The following CHID1 variants were observed in gnomAD, a reference collection of about 807,000 sequenced individuals.
The protein encoded by CHID1 is chitinase domain containing 1, also known as chitinase domain-containing protein 1.
Under a neutral mutation model 55.4 loss-of-function variants are expected in CHID1, and 44 were observed. The ratio of observed to expected loss-of-function variants is 0.79; its 90% CI spans 0.62 to 1.02. CHID1 has a LOEUF of 1.02. CHID1 is among the 50% of genes least tolerant of loss of function. CHID1 has a pLI of 0.00. For synonymous variants in CHID1, 216 were observed against 212.9 expected (o/e 1.01, Z -0.13); for missense variants, 491 against 515.3 (o/e 0.95, Z 0.46).
chr11:884,142 G>C lies in CHID1; in HGVS notation c.729C>G (p.His243Gln). 1 of 1,614,166 alleles carries C rather than the reference G, an allele frequency of 6.2e-7. No homozygotes were observed. The highest frequency in any genetic ancestry group is 1.7e-4 in the Middle Eastern group (1 of 6,056). The change falls in exon 9 of 13, where the codon CAC becomes CAG. Residue 243 changes from histidine (H) to glutamine (Q), a missense_variant. His to Gln is a conservative substitution (Grantham distance 24, BLOSUM62 0). Coordinates refer to ENST00000323578, the MANE Select transcript of CHID1 (RefSeq NM_023947.4). ...PGTDQLGMFTHKEFEQLAPVL... is the reference protein window; with the variant it reads ...PGTDQLGMFTQKEFEQLAPVL... ...CGGGGGCCAGCTGCTCAAACTCCTT[G>C]TGCGTGAACATGCCCAGCTGGTCGG...
chr11:892,372 G>A (rs954400812), intron 8 of CHID1, among the ~76,000 whole-genome samples: 13 of 152,140 alleles, frequency 8.5e-5, no homozygotes, highest in Non-Finnish European at 1.5e-4. Context: ...CCCAGGGCTC[G>A]GCCTGGGACA....
chr11:893,634 C>T, intron 7 of CHID1, 115 bp from the exon 8 acceptor site: 1 of 763,216 alleles, frequency 1.3e-6, no homozygotes, highest in Non-Finnish European at 2.1e-6. Flanking sequence ...TGACACCCTG[C>T]AGCAGGGCAG....
intron 9 of CHID1, among the ~76,000 whole-genome samples, chr11:883,812 C>T (rs138034049): frequency 6.6e-6 from 1 of 152,376 alleles, no homozygotes; most frequent in African/African-American, 2.4e-5. Flanking sequence ...CGGGCAGCAG[C>T]AGGACTATGC....
At position 893,258 on chromosome 11, in the gene CHID1, G is replaced by A. The variant is rs1219203920; in HGVS notation, c.701+169C>T. ...CGTGCTGACTTGGAGCCTTCTCTGT[G>A]CCCAGCACAGGGGCACAGAGTGTGT... is the stretch of plus-strand genomic sequence containing the variant. On this transcript the variant is annotated intron_variant, in intron 8 of 12. Transcript: ENST00000323578. 2.0e-5 allele frequency among the ~76,000 whole-genome samples: 3 copies of A among 152,228 alleles called. No homozygotes were observed. The East Asian group carries it at 5.8e-4, about 29-fold the overall frequency.
intron 10 of CHID1, chr11:882,308 G>A (rs932648034): frequency 3.9e-5 from 6 of 152,300 alleles, no homozygotes; most frequent in African/African-American, 1.4e-4. Context: ...CTGGGCGACA[G>A]AGCGAGACTC....
rs1208801566 is a variant in CHID1, at chr11:910,755, C to T, written c.-44+20G>A. On this transcript the variant is annotated intron_variant, in intron 1 of 12. Coordinates refer to ENST00000323578, the MANE Select transcript of CHID1 (RefSeq NM_023947.4). ...GCCGTGCAAGGAGGAGGAGCAGGGGCCGGCCGCCGCGGGGCTCACCTGCAT... is the reference window on the plus strand; with the variant it reads ...GCCGTGCAAGGAGGAGGAGCAGGGGTCGGCCGCCGCGGGGCTCACCTGCAT... The T allele has an allele frequency of 1.0e-5, 12 of 1,188,370 alleles. No individual in the cohort carries two copies. Among genetic ancestry groups the T allele is most frequent in the Non-Finnish European group, 1.1e-5 (10 of 944,120 alleles). 73.6% of individuals were successfully genotyped at this position (1,188,370 alleles called of 1,614,324 possible).
At chr11:914,678 G>T (rs951850112), upstream of CHID1, 42 of 572,312 alleles carry the variant, frequency 7.3e-5, no homozygotes, top group Non-Finnish European at 1.1e-4. Context: ...AGCTGTGATT[G>T]CACTGCTGCA....
chr11:897,855 T>G (rs542037800), intron 7 of CHID1, among the ~76,000 whole-genome samples: 2 of 149,978 alleles, frequency 1.3e-5, no homozygotes, highest in East Asian at 3.9e-4. Flanking sequence ...GCGGAGGGTG[T>G]GGGGATCTGG....
intron 8 of CHID1, among the ~76,000 whole-genome samples, chr11:890,723 C>T (rs1171320196): frequency 6.6e-6 from 1 of 152,210 alleles, no homozygotes; most frequent in African/African-American, 2.4e-5. Flanking sequence ...TACGCTGTGG[C>T]TTTGCCCCTG....
At chr11:891,210 C>T (rs760968499) in intron 8 of CHID1, among the ~76,000 whole-genome samples, 2 of 152,186 alleles carry the variant, frequency 1.3e-5, no homozygotes, top group Non-Finnish European at 2.9e-5. Context: ...ACTGGGAGGG[C>T]ACAGCCCTGT....
At chr11:880,452 T>A (rs1589832660) in intron 10 of CHID1, among the ~76,000 whole-genome samples, 1 of 152,170 alleles carries the variant, frequency 6.6e-6, no homozygotes, top group African/African-American at 2.4e-5. Context: ...GAGAGGAGTG[T>A]GCACGTAGAG....
In CHID1 at chr11:875,757, T is replaced by C. The variant is rs1340838009; in HGVS notation, c.960-5258A>G. On this transcript the variant is annotated intron_variant, in intron 10 of 12. Coordinates refer to ENST00000323578, the MANE Select transcript of CHID1 (RefSeq NM_023947.4). This position sits in a 1 kb window ranked among gnomAD's most constrained non-coding sequence, Gnocchi z 4.7. ...GAGGAAAACGCCTAGGTCCACCGAG[T>C]CGTGGCAGCAAAAGACGCCACGGCA... Among the ~76,000 whole-genome samples the C allele has an allele frequency of 1.3e-5, 2 of 151,802 alleles. No individual in the cohort carries two copies. The highest frequency in any genetic ancestry group is 3.9e-4 in the East Asian group (2 of 5,146).
chr11:904,635 G>A, intron 2 of CHID1, 71 bp downstream of exon 2: 12 of 1,577,228 alleles, frequency 7.6e-6, no homozygotes, highest in Non-Finnish European at 1.0e-5. Flanking sequence ...GGCCCCAGTG[G>A]ACAGAAAGAA....
chr11:892,479 G>C (rs1455044539), intron 8 of CHID1, among the ~76,000 whole-genome samples: 1 of 152,240 alleles, frequency 6.6e-6, no homozygotes, highest in African/African-American at 2.4e-5. Flanking sequence ...GCAGCCCCCA[G>C]GGCTCAGCTC....
intron 8 of CHID1, among the ~76,000 whole-genome samples, chr11:891,883 C>G (rs539531789): frequency 2.0e-5 from 3 of 146,358 alleles, no homozygotes; most frequent in Non-Finnish European, 4.4e-5. Context: ...GTGGGATGAT[C>G]GCTTGAGCCC....
At chr11:871,041 T>C (rs1475276270) in intron 10 of CHID1, among the ~76,000 whole-genome samples, 2 of 144,484 alleles carry the variant, frequency 1.4e-5, no homozygotes, top group Non-Finnish European at 3.0e-5. Flanking sequence ...CCCAGGCTGG[T>C]GTACAGTCGT....
intron 2 of CHID1, among the ~76,000 whole-genome samples, chr11:904,049 T>C (rs1209642191): frequency 6.6e-6 from 1 of 152,240 alleles, no homozygotes; most frequent in Non-Finnish European, 1.5e-5. Context: ...CCTGGAAACC[T>C]TCCATCCAGT....
At chr11:876,067 G>A (rs1181794518) in intron 10 of CHID1, among the ~76,000 whole-genome samples, 1 of 152,152 alleles carries the variant, frequency 6.6e-6, no homozygotes, top group Non-Finnish European at 1.5e-5. Context: ...TAGAAAAGCA[G>A]ACATCTGGTG....
intron 4 of CHID1, 141 bp downstream of exon 4, chr11:902,057 A>T: frequency 1.1e-6 from 1 of 881,554 alleles, no homozygotes; most frequent in Non-Finnish European, 1.8e-6. Flanking sequence ...ATTCACACTT[A>T]AATCACGCAG....
Sources: allele counts gnomAD v4.1 joint callset (sites outside exome capture counted in the v4.1 genomes callset), GRCh38; gene constraint gnomAD v4.1.1; non-coding constraint Gnocchi (gnomAD v3.1); transcripts MANE v1.5; gene names NCBI Gene and HGNC (gene_info 2026-07-23, HGNC 2026-07-21).